The following ADAMTS18 variants were observed in gnomAD, a reference collection of about 807,000 sequenced individuals.
ADAMTS18 encodes ADAM metallopeptidase with thrombospondin type 1 motif 18.
Under a neutral mutation model 165.9 loss-of-function variants are expected in ADAMTS18, and 157 were observed. The ratio of observed to expected loss-of-function variants is 0.95; its 90% CI spans 0.83 to 1.08. The LOEUF (loss-of-function observed/expected upper bound fraction) is 1.08, where lower values mean the gene tolerates loss of function less well. Among genes scored for constraint, ADAMTS18 ranks in the 50% least tolerant of loss-of-function variants. The pLI, the probability that ADAMTS18 is intolerant of heterozygous loss-of-function variation, is 0.00. For missense variants in ADAMTS18, 2,040 were observed against 1,534.0 expected (o/e 1.33, Z -5.51); for synonymous variants, 782 against 578.2 (o/e 1.35, Z -5.06).
At chr16:77,334,943 T>C (rs1482750032) in intron 12 of ADAMTS18, among the ~76,000 whole-genome samples, 1 of 141,046 alleles carries the variant, frequency 7.1e-6, no homozygotes, top group Non-Finnish European at 1.5e-5. Flanking sequence ...CTGTATTTTA[T>C]AGTATATAGT....
chr16:77,347,369 A>G (rs893094737), intron 10 of ADAMTS18, among the ~76,000 whole-genome samples: 1 of 152,168 alleles, frequency 6.6e-6, no homozygotes, highest in Non-Finnish European at 1.5e-5. Flanking sequence ...TTCTACATTG[A>G]AACAACTCGG....
chr16:77,418,323 G>A (rs562889676), intron 3 of ADAMTS18, among the ~76,000 whole-genome samples: 53 of 152,238 alleles, frequency 3.5e-4, no homozygotes, highest in Middle Eastern at 3.4e-3. Flanking sequence ...GTGCACTGTC[G>A]TAAAGAATAG....
At chr16:77,422,886 C>T (rs1323273942) in intron 3 of ADAMTS18, among the ~76,000 whole-genome samples, 1 of 152,178 alleles carries the variant, frequency 6.6e-6, no homozygotes, top group Admixed American at 6.5e-5. Context: ...GTCACACTTA[C>T]ATGGTGTGAT....
Position 77,431,298 on chromosome 16 carries a change from G to A in ADAMTS18, c.492C>T (p.Gly164=). ...ACTCAGACTGGGGTGTACTTACCAA[G>A]CCAGCACACGTAGACACAGCGACAG... The part of the protein sequence containing the change: ...SSSVAVSTCA[G]LSGLIRTRKN... Residue 164 remains glycine, a synonymous_variant, in exon 3 of 23, where the codon GGC becomes GGT. Coordinates refer to ENST00000282849, the MANE Select transcript of ADAMTS18 (RefSeq NM_199355.4). The A allele has an allele frequency of 6.2e-7, 1 of 1,614,132 alleles. No homozygotes were observed. The highest frequency in any genetic ancestry group is 1.1e-5 in the South Asian group (1 of 91,074).
chr16:77,392,207 G>A (rs928540480), intron 3 of ADAMTS18, among the ~76,000 whole-genome samples: 1 of 152,144 alleles, frequency 6.6e-6, no homozygotes, highest in Admixed American at 6.5e-5. Context: ...TGTTCAGCTC[G>A]GAGTAAAGGC....
In ADAMTS18 at chr16:77,431,473, T is replaced by G. The variant is rs372573663; in HGVS notation, c.317A>C (p.Gln106Pro). 2.5e-6 allele frequency: 4 copies of G among 1,614,128 alleles called. No homozygotes were observed. Among genetic ancestry groups the G allele is most frequent in the Admixed American group, 1.7e-5 (1 of 60,008 alleles). ...SLHYRFSAFG[Q>P]ELHLELKPSA... ...GGGCTTAAGTTCTAAGTGCAGTTCCTGTCCAAATGCTGAAAATCGGTAGTG... is the reference window on the plus strand; with the variant it reads ...GGGCTTAAGTTCTAAGTGCAGTTCCGGTCCAAATGCTGAAAATCGGTAGTG... Residue 106 changes from glutamine (Q) to proline (P), a missense_variant, in exon 3 of 23, where the codon CAG becomes CCG. By Grantham distance (76) the Gln-to-Pro change is moderately conservative. Transcript: ENST00000282849.
At chr16:77,379,000 G>T (rs1365423653) in intron 3 of ADAMTS18, 1 of 152,170 alleles carries the variant, frequency 6.6e-6, no homozygotes, top group Non-Finnish European at 1.5e-5. Flanking sequence ...ACATATTGAT[G>T]AAATTCTTAC....
At chr16:77,345,804 A>G (rs1408147100) in intron 10 of ADAMTS18, among the ~76,000 whole-genome samples, 1 of 152,196 alleles carries the variant, frequency 6.6e-6, no homozygotes, top group Admixed American at 6.5e-5. Context: ...GCACTCAGTT[A>G]GGGAGAGCCT....
chr16:77,289,133 G>A lies in ADAMTS18; in HGVS notation c.3550+131C>T. ...GCCTTATACAACTCCAGGGAGCACT[G>A]TCACATAGACTTCGGGTGAATGGCT... On this transcript the variant is annotated intron_variant, in intron 22 of 22. Coordinates refer to ENST00000282849, the MANE Select transcript of ADAMTS18 (RefSeq NM_199355.4). The A allele has an allele frequency of 3.4e-6, 4 of 1,187,398 alleles. No homozygotes were observed. The Admixed American group carries it at 6.8e-5, about 20-fold the overall frequency. The allele number at this position is 1,187,398 out of a possible 1,614,324, so 73.6% of individuals were successfully genotyped here.
At chr16:77,389,507 G>A (rs2057156435) in intron 3 of ADAMTS18, among the ~76,000 whole-genome samples, 1 of 152,268 alleles carries the variant, frequency 6.6e-6, no homozygotes, top group East Asian at 1.9e-4. Context: ...TAATGGGCCA[G>A]GCACTGAAGT....
intron 10 of ADAMTS18, among the ~76,000 whole-genome samples, chr16:77,343,222 C>T (rs981007096): frequency 7.2e-5 from 11 of 152,136 alleles, no homozygotes; most frequent in Admixed American, 6.5e-4. Flanking sequence ...TACAAGCACG[C>T]ACCACCATGT....
At chr16:77,301,315 G>A (rs1457964222) in intron 16 of ADAMTS18, among the ~76,000 whole-genome samples, 1 of 150,642 alleles carries the variant, frequency 6.6e-6, no homozygotes, top group Admixed American at 6.6e-5. Context: ...ACTTGTGCAA[G>A]ATCACACAAG....
chr16:77,400,483 T>G (rs1165349818), intron 3 of ADAMTS18, among the ~76,000 whole-genome samples: 42 of 129,930 alleles, frequency 3.2e-4, no homozygotes, highest in African/African-American at 7.8e-4. Flanking sequence ...TGTGTGTGTT[T>G]TGTTTTTTTT....
chr16:77,311,958 G>A (rs1434360327), intron 16 of ADAMTS18, among the ~76,000 whole-genome samples: 1 of 152,132 alleles, frequency 6.6e-6, no homozygotes, highest in Non-Finnish European at 1.5e-5. Flanking sequence ...TTGTATTACT[G>A]GAGATATTGC....
chr16:77,301,463 T>A (rs2055581439), intron 16 of ADAMTS18, among the ~76,000 whole-genome samples: 1 of 152,258 alleles, frequency 6.6e-6, no homozygotes, highest in South Asian at 2.1e-4. Flanking sequence ...TTCTTCTTTT[T>A]TCTTTTCCAA....
At chr16:77,316,172 C>T (rs992577234) in intron 16 of ADAMTS18, among the ~76,000 whole-genome samples, 2 of 152,194 alleles carry the variant, frequency 1.3e-5, no homozygotes, top group Admixed American at 6.5e-5. Flanking sequence ...TCTATTACTC[C>T]TTACCTGGAA....
chr16:77,407,211 T>C (rs141393781), intron 3 of ADAMTS18, among the ~76,000 whole-genome samples: 2 of 152,050 alleles, frequency 1.3e-5, no homozygotes, highest in Non-Finnish European at 2.9e-5. Context: ...TAGCAGAAAA[T>C]TAGAAAATAA....
intron 12 of ADAMTS18, among the ~76,000 whole-genome samples, chr16:77,329,031 G>A (rs1218303045): frequency 6.6e-6 from 1 of 152,136 alleles, no homozygotes. Context: ...ATGGGGCCGG[G>A]TATGGAAAGA....
intron 10 of ADAMTS18, among the ~76,000 whole-genome samples, chr16:77,346,648 C>T (rs1196096472): frequency 6.6e-6 from 1 of 152,132 alleles, no homozygotes; most frequent in Non-Finnish European, 1.5e-5. Context: ...AAACTTCTTC[C>T]AACTTCTTTT....
Sources: gnomAD v4.1 joint callset for allele counts (sites outside exome capture counted in the v4.1 genomes callset) on GRCh38, gnomAD v4.1.1 for gene constraint, MANE v1.5 for transcripts, NCBI Gene and HGNC (gene_info 2026-07-23, HGNC 2026-07-21) for gene names.